The following C8orf34 variants were observed in gnomAD, a reference collection of about 807,000 sequenced individuals.
The protein encoded by C8orf34 is uncharacterized protein C8orf34.
Under a neutral mutation model 68.3 loss-of-function variants are expected in C8orf34, and 65 were observed. That is an observed-to-expected ratio of 0.95 (90% CI 0.78 to 1.17). The LOEUF is 1.17. Among genes scored for constraint, C8orf34 ranks in the 50% most tolerant of loss-of-function variants. The pLI is 0.00. For synonymous variants in C8orf34, 244 were observed against 241.2 expected, an observed-to-expected ratio of 1.01 and a Z score of -0.11; for missense variants, 664 against 655.4, an observed-to-expected ratio of 1.01 and a Z score of -0.14.
At chr8:68,633,749 C>A (rs1483263770) in intron 7 of C8orf34, among the ~76,000 whole-genome samples, 1 of 149,044 alleles carries the variant, frequency 6.7e-6, no homozygotes, top group Admixed American at 6.7e-5. Context: ...AAAGAAGTCC[C>A]AAAATAGGAA....
intron 12 of C8orf34, chr8:68,792,571 CAAAAAAAAAAAAAAAAAAA>C (rs1162293308): frequency 4.7e-5 from 2 of 42,276 alleles, no homozygotes; most frequent in Admixed American, 4.3e-4. Flanking sequence ...GACTCCATCT[CAAAAAAAAAAAAAAAAAAA>C]AAAAAAAAAA....
At chr8:68,429,117 T>C (rs947042684) in intron 1 of C8orf34, among the ~76,000 whole-genome samples, 2 of 152,040 alleles carry the variant, frequency 1.3e-5, no homozygotes, top group Non-Finnish European at 2.9e-5. Flanking sequence ...CTTTTGTTTA[T>C]CAAAAGAAAC....
intron 10 of C8orf34, among the ~76,000 whole-genome samples, chr8:68,761,236 T>C (rs1212255930): frequency 6.6e-6 from 1 of 152,192 alleles, no homozygotes; most frequent in Non-Finnish European, 1.5e-5. Context: ...GGCCCAGCTT[T>C]AGAACTTTAG....
intron 6 of C8orf34, among the ~76,000 whole-genome samples, chr8:68,524,011 G>T (rs528749639): frequency 6.6e-6 from 1 of 152,226 alleles, no homozygotes; most frequent in South Asian, 2.1e-4. Flanking sequence ...ACAGGCTGAC[G>T]CTAGGCATCT....
intron 7 of C8orf34, among the ~76,000 whole-genome samples, chr8:68,636,540 G>A (rs1049387822): frequency 2.6e-5 from 4 of 151,934 alleles, no homozygotes; most frequent in South Asian, 2.1e-4. Flanking sequence ...AGCCGAGATC[G>A]CACCACTGCA....
In C8orf34 at chr8:68,787,458, C is replaced by G; in HGVS notation, c.1471C>G (p.Gln491Glu). Reference sequence around the variant, plus strand: ...TCTTTTGCAGGATGAATCCTTAAAGCAATTGCAGGTAGTTCATCAACCATG... The same window carrying G: ...TCTTTTGCAGGATGAATCCTTAAAGGAATTGCAGGTAGTTCATCAACCATG... ...NYMEEDESLK[Q>E]LQVVHQPWIL... Residue 491 changes from glutamine to glutamate, a missense_variant, in exon 12 of 14, where the codon CAA (glutamine) becomes GAA (glutamate). Coordinates refer to ENST00000518698, the MANE Select transcript of C8orf34 (RefSeq NM_052958.4). The G allele has an allele frequency of 6.2e-7, 1 of 1,610,254 alleles. No homozygotes were observed. Among genetic ancestry groups the G allele is most frequent in the Non-Finnish European group, 8.5e-7 (1 of 1,177,600 alleles).
intron 8 of C8orf34, among the ~76,000 whole-genome samples, chr8:68,641,360 T>C (rs991552109): frequency 3.5e-4 from 54 of 152,168 alleles, no homozygotes; most frequent in Non-Finnish European, 1.3e-4. Flanking sequence ...AAGTTTTATT[T>C]TAATTTTCAC....
At chr8:68,816,244 C>T (rs1461071879) in intron 13 of C8orf34, among the ~76,000 whole-genome samples, 1 of 151,568 alleles carries the variant, frequency 6.6e-6, no homozygotes, top group African/African-American at 2.4e-5. Flanking sequence ...AACCCTTTCT[C>T]CTTGACAGGA....
chr8:68,510,461 C>T (rs561784620), intron 5 of C8orf34, among the ~76,000 whole-genome samples: 1 of 152,154 alleles, frequency 6.6e-6, no homozygotes, highest in African/African-American at 2.4e-5. Flanking sequence ...TTAGCTATTC[C>T]TCTTGTTCTT....
chr8:68,392,124 C>G (rs1808502351), intron 1 of C8orf34, among the ~76,000 whole-genome samples: 1 of 152,034 alleles, frequency 6.6e-6, no homozygotes, highest in South Asian at 2.1e-4. Context: ...TTCTTATCTA[C>G]AAAATATTTT....
chr8:68,375,047 A>G (rs900292401), intron 1 of C8orf34, among the ~76,000 whole-genome samples: 3 of 152,174 alleles, frequency 2.0e-5, no homozygotes, highest in Non-Finnish European at 1.5e-5. Flanking sequence ...CAACATTAAT[A>G]ATATTCTCTG....
chr8:68,528,108 C>T (rs765532348), intron 6 of C8orf34, among the ~76,000 whole-genome samples: 2 of 152,154 alleles, frequency 1.3e-5, no homozygotes, highest in Non-Finnish European at 2.9e-5. Context: ...TGTCCGGCTC[C>T]TGTAACTCTC....
chr8:68,441,348 C>T (rs1362876824), intron 2 of C8orf34, among the ~76,000 whole-genome samples: 1 of 152,128 alleles, frequency 6.6e-6, no homozygotes, highest in Non-Finnish European at 1.5e-5. Flanking sequence ...TGACTTTCAG[C>T]CAGGAGCTAC....
intron 5 of C8orf34, among the ~76,000 whole-genome samples, chr8:68,512,154 G>C (rs1307068776): frequency 6.6e-6 from 1 of 152,172 alleles, no homozygotes; most frequent in African/African-American, 2.4e-5. Context: ...GATAGTTACA[G>C]TTAGAAACAC....
chr8:68,761,589 A>G (rs1823025119), intron 10 of C8orf34, among the ~76,000 whole-genome samples: 1 of 152,080 alleles, frequency 6.6e-6, no homozygotes, highest in Non-Finnish European at 1.5e-5. Context: ...AAAATAAATA[A>G]CTTCTTCAAC....
At chr8:68,658,423 T>C (rs2130801320) in intron 8 of C8orf34, among the ~76,000 whole-genome samples, 1 of 152,274 alleles carries the variant, frequency 6.6e-6, no homozygotes, top group Non-Finnish European at 1.5e-5. Context: ...ATATGTAATG[T>C]TTCCTTTATT....
intron 1 of C8orf34, among the ~76,000 whole-genome samples, chr8:68,369,543 G>A (rs971020950): frequency 1.3e-5 from 2 of 152,228 alleles, no homozygotes; most frequent in Admixed American, 1.3e-4. Flanking sequence ...TGTATCAGAA[G>A]TTGGTACTGA....
chr8:68,581,285 T>G (rs929559701), intron 7 of C8orf34, among the ~76,000 whole-genome samples: 2 of 152,134 alleles, frequency 1.3e-5, no homozygotes, highest in Non-Finnish European at 2.9e-5. Context: ...AAGGCCTATT[T>G]GTTTACATTT....
chr8:68,464,151 G>C (rs575822640), intron 3 of C8orf34, among the ~76,000 whole-genome samples: 3 of 152,148 alleles, frequency 2.0e-5, no homozygotes, highest in South Asian at 2.1e-4. Context: ...ACCAATAACA[G>C]ACAAACCGAG....
Sources: gnomAD v4.1 joint callset for allele counts (sites outside exome capture counted in the v4.1 genomes callset) on GRCh38, gnomAD v4.1.1 for gene constraint, MANE v1.5 for transcripts, NCBI Gene and HGNC (gene_info 2026-07-23, HGNC 2026-07-21) for gene names.